KIAA0408: variants seen among roughly 807,000 people sequenced by gnomAD.
KIAA0408 encodes KIAA0408.
KIAA0408 carries 51 observed loss-of-function variants against 60.9 expected under a neutral mutation model. That is an observed-to-expected ratio of 0.84 (90% confidence interval 0.67 to 1.06). KIAA0408 has a LOEUF of 1.06. Among genes scored for constraint, KIAA0408 ranks in the 50% least tolerant of loss-of-function variants. The probability of loss-of-function intolerance (pLI) is 0.00; values close to 1 mark genes in which losing one functional copy is unlikely to be tolerated. For synonymous variants in KIAA0408, 304 were observed against 282.4 expected, an observed-to-expected ratio of 1.08 and a Z score of -0.77; for missense variants, 787 against 833.9, an observed-to-expected ratio of 0.94 and a Z score of 0.69.
intron 2 of KIAA0408, 70 bp downstream of exon 2, chr6:127,453,777 C>A (rs1773343652): frequency 1.3e-6 from 2 of 1,541,390 alleles, no homozygotes; most frequent in African/African-American, 2.7e-5. Context: ...GTTTCCAATA[C>A]AAAACAGCCC....
At position 127,450,041 on chromosome 6, in the gene KIAA0408, G is replaced by A. The variant is rs1373030478; in HGVS notation, c.447C>T (p.Asp149=). The A allele has an allele frequency of 3.1e-6, 5 of 1,614,060 alleles. No homozygotes were observed. In the South Asian group the frequency reaches 4.4e-5, roughly 14 times the overall value. The stretch of plus-strand genomic sequence containing the variant: ...TGCTGTCTTCCTCAGAAGTCCTCAG[G>A]TCAGGCCAGGCCTCACATTCCTTTT... ...DNQKECEAWP[D]LRTSEEDSKS... Residue 149 remains aspartate, a synonymous_variant, in exon 3 of 6, where the codon GAC becomes GAT. Coordinates refer to ENST00000483725, the MANE Select transcript of KIAA0408 (RefSeq NM_014702.5).
Position 127,447,625 on chromosome 6 carries a change from G to GT in KIAA0408, c.693dup (p.Gln232ThrfsTer24), listed in dbSNP as rs749316838. ...CAGCTCAGATTCTTCCTGTTTTTCT[G>GT]TTTTTCTTTTTCTAAACTGATTGGA... On this transcript the variant is annotated frameshift_variant, in exon 5 of 6. Transcript: ENST00000483725. LOFTEE classifies it high-confidence loss of function. 1 of 1,612,530 alleles carries GT rather than the reference G, an allele frequency of 6.2e-7. No individual in the cohort carries two copies. Among genetic ancestry groups the GT allele is most frequent in the South Asian group, 1.1e-5 (1 of 90,756 alleles).
rs1416053083 is a variant in KIAA0408 at position 127,447,684 on chromosome 6, C to T, written c.635G>A (p.Gly212Glu). The change falls in exon 5 of 6, where the codon GGG becomes GAG. Residue 212 changes from glycine to glutamate, a missense_variant. Transcript: ENST00000483725. ...CTGGTCATTGTTGATCATGGGGTCC[C>T]CATGAGGTATATTAGTTACATTTGG... Reference protein sequence around the residue: ...EMPNVTNIPHGDPMINNDQCI... With the variant: ...EMPNVTNIPHEDPMINNDQCI... 1 of 1,588,014 alleles carries T rather than the reference C, an allele frequency of 6.3e-7. No homozygotes were observed. The highest frequency in any genetic ancestry group is 1.4e-5 in the African/African-American group (1 of 72,988).
At chr6:127,458,502 A>T (rs6936370) in intron 1 of KIAA0408, among the ~76,000 whole-genome samples, 48,297 of 152,130 alleles carry the variant, frequency 0.32, 8,272 homozygotes, top group Middle Eastern at 0.39. Context: ...CTCAAATTAG[A>T]AAACATCCAA....
At chr6:127,446,257 G>T (rs1460082862) in intron 5 of KIAA0408, 151 bp downstream of exon 5, 2 of 1,365,522 alleles carry the variant, frequency 1.5e-6, no homozygotes, top group Non-Finnish European at 2.0e-6. Flanking sequence ...GGTTCATGTT[G>T]AGTTATATTT....
rs1285857308 is a variant in KIAA0408, at chr6:127,444,065, A to C, written c.*44T>G. 5 of 1,585,840 alleles carry C rather than the reference A, an allele frequency of 3.2e-6. No individual in the cohort carries two copies. The South Asian group carries it at 5.6e-5, about 18-fold the overall frequency. ...AACACTCAGAATGCTCTGTTTGACA[A>C]GTGGGACTAGAACTTCTGTAATATA... On this transcript the variant is annotated 3_prime_UTR_variant, in exon 6 of 6. Coordinates refer to ENST00000483725, the MANE Select transcript of KIAA0408 (RefSeq NM_014702.5).
rs886464122 is a variant in KIAA0408, at chr6:127,440,145, C to A, written c.*3964G>T. On this transcript the variant is annotated 3_prime_UTR_variant, in exon 6 of 6. Transcript: ENST00000483725. ...ATTTTAAGTATCATGATTTTATTCC[C>A]AATAAAACAAAAAATTATTTTCTAT... 1 of 151,798 alleles carries A rather than the reference C, an allele frequency of 6.6e-6. No individual in the cohort carries two copies. The highest frequency in any genetic ancestry group is 1.5e-5 in the Non-Finnish European group (1 of 67,952). 9.4% of individuals were successfully genotyped at this position (151,798 alleles called of 1,614,324 possible). A position where few individuals can be genotyped will look rare whatever the true frequency, so the allele number is the denominator to read the frequency against.
Position 127,440,981 on chromosome 6 carries a change from T to C in KIAA0408, c.*3128A>G, listed in dbSNP as rs1271807208. 1 of 152,208 alleles carries C rather than the reference T, an allele frequency of 6.6e-6. No homozygotes were observed. The highest frequency in any genetic ancestry group is 1.5e-5 in the Non-Finnish European group (1 of 68,032). 9.4% of individuals were successfully genotyped at this position (152,208 alleles called of 1,614,324 possible). On this transcript the variant is annotated 3_prime_UTR_variant, in exon 6 of 6. Transcript: ENST00000483725. The stretch of plus-strand genomic sequence containing the variant: ...GATTTCATAAGACACTTAGCTTTAC[T>C]GGAGTTCACTGCAGAAAATGAGGGA...
intron 2 of KIAA0408, among the ~76,000 whole-genome samples, chr6:127,451,522 T>C (rs966604274): frequency 6.6e-6 from 1 of 152,124 alleles, no homozygotes; most frequent in Non-Finnish European, 1.5e-5. Context: ...ACATGTTAAA[T>C]CTAAGGATGC....
rs1338570318 is a variant in KIAA0408, at chr6:127,438,687, T to G, written c.*5422A>C. 1 of 152,200 alleles carries G rather than the reference T, an allele frequency of 6.6e-6. No homozygotes were observed. Among genetic ancestry groups the G allele is most frequent in the Non-Finnish European group, 1.5e-5 (1 of 68,036 alleles). The allele number at this position is 152,200 out of a possible 1,614,324, so 9.4% of individuals were successfully genotyped here. On this transcript the variant is annotated 3_prime_UTR_variant, in exon 6 of 6. Transcript: ENST00000483725. ...TACTGTACTGAATACTAAAGGCAAT[T>G]GTAACACAATGATATCTGTATATGT... is the stretch of plus-strand genomic sequence containing the variant.
intron 2 of KIAA0408, among the ~76,000 whole-genome samples, chr6:127,452,534 C>G (rs1241782187): frequency 6.6e-6 from 1 of 152,116 alleles, no homozygotes; most frequent in African/African-American, 2.4e-5. Context: ...ATAGAATTGT[C>G]AGAATAATTA....
rs1188697891 is a variant in KIAA0408 at position 127,442,492 on chromosome 6, A to T, written c.*1617T>A. ...AAGGAAATAAGAATTAAAAGAGTAG[A>T]TGTATAGACCTTAGTTACCATCCAA... On this transcript the variant is annotated 3_prime_UTR_variant, in exon 6 of 6. Transcript: ENST00000483725. 1 of 152,210 alleles carries T rather than the reference A, an allele frequency of 6.6e-6. No individual in the cohort carries two copies. Among genetic ancestry groups the T allele is most frequent in the Non-Finnish European group, 1.5e-5 (1 of 68,040 alleles). The allele number at this position is 152,210 out of a possible 1,614,324, so 9.4% of individuals were successfully genotyped here.
chr6:127,456,997 T>C (rs1479318877), intron 1 of KIAA0408, among the ~76,000 whole-genome samples: 1 of 152,054 alleles, frequency 6.6e-6, no homozygotes, highest in Non-Finnish European at 1.5e-5. Flanking sequence ...TCCCTCTCCA[T>C]GTTGTTCTCT....
chr6:127,453,349 T>C (rs1001772392), intron 2 of KIAA0408, among the ~76,000 whole-genome samples: 1 of 151,998 alleles, frequency 6.6e-6, no homozygotes, highest in Non-Finnish European at 1.5e-5. Flanking sequence ...ATAAATCTCA[T>C]GTCTACTGCC....
At position 127,450,275 on chromosome 6, in the gene KIAA0408, C is replaced by T. The variant is rs766010368; in HGVS notation, c.213G>A (p.Lys71=). ...ATTCTATCACTTTCTCTGGAATGGT[C>T]TTCTCATGGTAAAGATCAATGATCT... is the stretch of plus-strand genomic sequence containing the variant. ...SAKIIDLYHE[K]TIPEKVIESS... The change falls in exon 3 of 6, where the codon AAG becomes AAA. Residue 71 remains lysine, a synonymous_variant. Coordinates refer to ENST00000483725, the MANE Select transcript of KIAA0408 (RefSeq NM_014702.5). The T allele has an allele frequency of 5.6e-6, 9 of 1,613,734 alleles. No individual in the cohort carries two copies. Among genetic ancestry groups the T allele is most frequent in the Non-Finnish European group, 1.7e-6 (2 of 1,179,928 alleles).
chr6:127,447,773 T>C (rs372054184), intron 4 of KIAA0408, 33 bp from the exon 5 acceptor site: 95 of 1,474,382 alleles, frequency 6.4e-5, no homozygotes, highest in Non-Finnish European at 8.0e-5. Context: ...GTATTGGTTA[T>C]AACTTTATTT....
Position 127,438,413 on chromosome 6 carries a change from A to G in KIAA0408, c.*5696T>C, listed in dbSNP as rs1773053835. 1 of 152,218 alleles carries G rather than the reference A, an allele frequency of 6.6e-6. No individual in the cohort carries two copies. Among genetic ancestry groups the G allele is most frequent in the South Asian group, 2.1e-4 (1 of 4,832 alleles). 9.4% of individuals were successfully genotyped at this position (152,218 alleles called of 1,614,324 possible). A position where few individuals can be genotyped will look rare whatever the true frequency, so the allele number is the denominator to read the frequency against. On this transcript the variant is annotated 3_prime_UTR_variant, in exon 6 of 6. Coordinates refer to ENST00000483725, the MANE Select transcript of KIAA0408 (RefSeq NM_014702.5). ...AAATCTGCAGATCCCAAATAGCTGG[A>G]TTAAATTTGTTTAATGATTCTTATA...
intron 4 of KIAA0408, 131 bp downstream of exon 4, chr6:127,449,690 TC>T: frequency 8.2e-7 from 1 of 1,216,362 alleles, no homozygotes; most frequent in African/African-American, 1.5e-5. Flanking sequence ...AGTTTCTATC[TC>T]CCACCCTAGA....
At chr6:127,444,344 G>C (rs186893170) in intron 5 of KIAA0408, 62 bp from the exon 6 acceptor site, 2 of 1,325,322 alleles carry the variant, frequency 1.5e-6, no homozygotes, top group Admixed American at 5.0e-5. Context: ...CTTAATATAT[G>C]ATGGGTCTCA....
Sources: gnomAD v4.1 joint callset for allele counts (sites outside exome capture counted in the v4.1 genomes callset) on GRCh38, gnomAD v4.1.1 for gene constraint, MANE v1.5 for transcripts, NCBI Gene and HGNC (gene_info 2026-07-23, HGNC 2026-07-21) for gene names.